The following ELMOD1 variants were observed in gnomAD, a reference collection of about 807,000 sequenced individuals.
ELMOD1 encodes the protein ELMO domain-containing protein 1.
Under a neutral mutation model 46.7 loss-of-function variants are expected in ELMOD1, and 21 were observed. That is an observed-to-expected ratio of 0.45 (90% CI 0.32 to 0.65). The LOEUF is 0.65. ELMOD1 is among the 30% of genes least tolerant of loss of function. The pLI is 0.04. For synonymous variants in ELMOD1, 122 were observed against 138.2 expected (o/e 0.88, Z 0.82); for missense variants, 348 against 407.8 (o/e 0.85, Z 1.26).
rs113877637 is a variant in ELMOD1 at position 107,613,486 on chromosome 11, G to A, written c.-85-4619G>A. Reference sequence around the variant, plus strand: ...ATATCTGCCAAATTTTCTCTTAATAGGAAGGCTCTTTTACTGTATTAAACT... The same window carrying A: ...ATATCTGCCAAATTTTCTCTTAATAAGAAGGCTCTTTTACTGTATTAAACT... On this transcript the variant is annotated intron_variant, in intron 1 of 11. Transcript: ENST00000265840. 5.8e-3 allele frequency among the ~76,000 whole-genome samples: 888 copies of A among 152,220 alleles called. 12 individuals are homozygous for A. The highest frequency in any genetic ancestry group is 0.02 in the African/African-American group (837 of 41,536).
chr11:107,596,272 T>A (rs928669352), intron 1 of ELMOD1, among the ~76,000 whole-genome samples: 1 of 152,104 alleles, frequency 6.6e-6, no homozygotes, highest in Admixed American at 6.5e-5. Context: ...AATTTATTTA[T>A]CTCACAGCTG....
chr11:107,661,344 G>A, intron 11 of ELMOD1, among the ~76,000 whole-genome samples: 1 of 152,226 alleles, frequency 6.6e-6, no homozygotes, highest in East Asian at 1.9e-4. Context: ...CACCTTTAGA[G>A]TGAGTTGCCA....
chr11:107,626,222 A>G (rs540881453), intron 2 of ELMOD1, among the ~76,000 whole-genome samples: 1 of 152,180 alleles, frequency 6.6e-6, no homozygotes, highest in Admixed American at 6.5e-5. Flanking sequence ...CCTAGGAGGG[A>G]AAGGAGCAGA....
At chr11:107,610,517 A>G (rs1004578673) in intron 1 of ELMOD1, among the ~76,000 whole-genome samples, 1 of 151,968 alleles carries the variant, frequency 6.6e-6, no homozygotes, top group Non-Finnish European at 1.5e-5. Flanking sequence ...TACAAAAATT[A>G]GCTGTGTGTG....
intron 1 of ELMOD1, among the ~76,000 whole-genome samples, chr11:107,613,348 T>A (rs1002696934): frequency 1.3e-5 from 2 of 152,198 alleles, no homozygotes; most frequent in Middle Eastern, 3.2e-3. Context: ...CCCCATTTAA[T>A]CCTAGAGAGG....
intron 1 of ELMOD1, among the ~76,000 whole-genome samples, chr11:107,596,448 C>G (rs1421726502): frequency 1.3e-5 from 2 of 152,046 alleles, no homozygotes; most frequent in African/African-American, 2.4e-5. Flanking sequence ...TAGGAATATT[C>G]CGCTCTTCAG....
intron 11 of ELMOD1, among the ~76,000 whole-genome samples, chr11:107,658,994 A>AGG (rs35372553): frequency 6.6e-6 from 1 of 152,248 alleles, no homozygotes; most frequent in African/African-American, 2.4e-5. Context: ...CCTGGAAGTC[A>AGG]GGGAAGTTTC....
At chr11:107,630,752 G>C (rs1555065816) in intron 4 of ELMOD1, 24 bp downstream of exon 4, 2 of 1,583,628 alleles carry the variant, frequency 1.3e-6, no homozygotes, top group South Asian at 2.3e-5. Context: ...TTTTTCAGCA[G>C]CTTTTTTTTC....
At chr11:107,608,031 AAAG>A (rs1276960982) in intron 1 of ELMOD1, among the ~76,000 whole-genome samples, 1 of 149,808 alleles carries the variant, frequency 6.7e-6, no homozygotes. Context: ...AAAAAAAAAA[AAAG>A]AAAAAAAAAA....
At position 107,630,504 on chromosome 11, in the gene ELMOD1, T is replaced by A; in HGVS notation, c.105T>A (p.Cys35Ter). ...TAATGAGGAAGCTAACTGGAAGATG[T>A]GAACTACAACGGATCTGTTATAATA... Reference protein sequence around the residue: ...KFVMRKLTGRCELQRICYNTK... With the variant: ...KFVMRKLTGR Residue 35 changes from cysteine to a stop codon, truncating the protein, a stop_gained, in exon 3 of 12, where the codon TGT becomes TGA. Transcript: ENST00000265840. LOFTEE classifies it high-confidence loss of function. 1 of 1,610,118 alleles carries A rather than the reference T, an allele frequency of 6.2e-7. No homozygotes were observed. Among genetic ancestry groups the A allele is most frequent in the Non-Finnish European group, 8.5e-7 (1 of 1,178,102 alleles).
chr11:107,632,879 T>A (rs1483013391), intron 5 of ELMOD1, among the ~76,000 whole-genome samples: 2 of 152,154 alleles, frequency 1.3e-5, no homozygotes, highest in Non-Finnish European at 2.9e-5. Flanking sequence ...CTCATTTTTT[T>A]AAAAGACCCT....
At chr11:107,664,267 A>G (rs1359121948) in intron 11 of ELMOD1, among the ~76,000 whole-genome samples, 1 of 151,570 alleles carries the variant, frequency 6.6e-6, no homozygotes, top group Non-Finnish European at 1.5e-5. Context: ...AAAAAACACT[A>G]TGCATATTTC....
At chr11:107,655,863 A>G in intron 10 of ELMOD1, 70 bp from the exon 11 acceptor site, 1 of 1,493,870 alleles carries the variant, frequency 6.7e-7, no homozygotes, top group Non-Finnish European at 9.1e-7. Flanking sequence ...AGTGTCTTTT[A>G]GCATGCTAAT....
At chr11:107,606,809 ACT>A (rs972825073) in intron 1 of ELMOD1, among the ~76,000 whole-genome samples, 4 of 151,454 alleles carry the variant, frequency 2.6e-5, no homozygotes, top group Non-Finnish European at 5.9e-5. Flanking sequence ...ATAAAGCAAG[ACT>A]CTGTCTCAAA....
chr11:107,601,411 T>G (rs1328809222), intron 1 of ELMOD1, among the ~76,000 whole-genome samples: 1 of 137,230 alleles, frequency 7.3e-6, no homozygotes, highest in Non-Finnish European at 1.6e-5. Context: ...GTCTATTAAT[T>G]TTTTCTTTTT....
rs543095741 is a variant in ELMOD1 at position 107,665,274 on chromosome 11, C to T, written c.*77C>T. 1.3e-5 allele frequency: 19 copies of T among 1,455,478 alleles called. No individual in the cohort carries two copies. The South Asian group carries it at 2.3e-4, about 18-fold the overall frequency. The allele number at this position is 1,455,478 out of a possible 1,614,324, so 90.2% of individuals were successfully genotyped here. On this transcript the variant is annotated 3_prime_UTR_variant, in exon 12 of 12. Coordinates refer to ENST00000265840, the MANE Select transcript of ELMOD1 (RefSeq NM_018712.4). ...TTAGATCTCTGCTTAGGTCGCAGCTCACGCATTGAATGCACACAGTGATTG... is the reference window on the plus strand; with the variant it reads ...TTAGATCTCTGCTTAGGTCGCAGCTTACGCATTGAATGCACACAGTGATTG...
At chr11:107,655,159 C>G (rs1362383009) in intron 10 of ELMOD1, among the ~76,000 whole-genome samples, 3 of 151,910 alleles carry the variant, frequency 2.0e-5, no homozygotes, top group East Asian at 3.9e-4. Flanking sequence ...CCTTGCACAT[C>G]TGTGTATATA....
intron 1 of ELMOD1, among the ~76,000 whole-genome samples, chr11:107,594,558 A>G (rs776222594): frequency 3.3e-5 from 5 of 152,208 alleles, no homozygotes; most frequent in Non-Finnish European, 5.9e-5. Context: ...CTAGTTTACT[A>G]TTCTGTTACC....
chr11:107,619,815 C>T (rs1423324336), intron 2 of ELMOD1, among the ~76,000 whole-genome samples: 1 of 152,138 alleles, frequency 6.6e-6, no homozygotes, highest in East Asian at 1.9e-4. Flanking sequence ...AGAACCAACA[C>T]ATCCCTATTA....
Sources: gnomAD v4.1 joint callset for allele counts (sites outside exome capture counted in the v4.1 genomes callset) on GRCh38, gnomAD v4.1.1 for gene constraint, MANE v1.5 for transcripts, NCBI Gene and HGNC (gene_info 2026-07-23, HGNC 2026-07-21) for gene names.